Variants in RAB5C observed in about 807,000 individuals in gnomAD.
RAB5C encodes RAB5C, member RAS oncogene family.
RAB5C carries 4 observed loss-of-function variants against 25.2 expected under a neutral mutation model. The ratio of observed to expected loss-of-function variants is 0.16; its 90% confidence interval spans 0.08 to 0.36. The LOEUF is 0.36. RAB5C is among the 10% of genes least tolerant of loss of function. RAB5C has a pLI of 1.00. For synonymous variants in RAB5C, 100 were observed against 106.4 expected (o/e 0.94, Z 0.37); for missense variants, 199 against 283.8 (o/e 0.70, Z 2.15).
At position 42,128,700 on chromosome 17, in the gene RAB5C, C is replaced by T; in HGVS notation, c.267G>A (p.Met89Ile). The change falls in exon 3 of 6, where the codon ATG becomes ATA. Residue 89 changes from methionine (M) to isoleucine (I), a missense_variant. Physicochemically the swap from Met to Ile is conservative, Grantham distance 10. Transcript: ENST00000346213. ...TGGCAGCCTGGGCCCCCCGATAGTA[C>T]ATGGGGGCCAGGCTGTGATACCGCT... is the stretch of plus-strand genomic sequence containing the variant. ...GQERYHSLAP[M>I]YYRGAQAAIV... is the part of the protein sequence containing the mutation. 1.3e-6 allele frequency: 2 copies of T among 1,561,076 alleles called. No homozygotes were observed. The highest frequency in any genetic ancestry group is 1.7e-6 in the Non-Finnish European group (2 of 1,156,576).
chr17:42,138,739 A>C (rs921590117), intron 1 of RAB5C, among the ~76,000 whole-genome samples: 1 of 152,222 alleles, frequency 6.6e-6, no homozygotes, highest in African/African-American at 2.4e-5. Flanking sequence ...TACCTGCAAA[A>C]GGGGCCAGTG....
At chr17:42,134,968 T>TTTC (rs111710717) in intron 1 of RAB5C, among the ~76,000 whole-genome samples, 150,342 of 150,376 alleles carry the variant, frequency 1, 75,154 homozygotes, top group Middle Eastern at 1. Flanking sequence ...TCAAATTCTT[T>TTTC]TTTTTTCTTA....
chr17:42,131,815 A>G (rs2054489456), intron 1 of RAB5C: 2 of 537,704 alleles, frequency 3.7e-6, no homozygotes, highest in East Asian at 6.4e-5. Context: ...GCCTATCTCT[A>G]GAAGCCTCTA....
chr17:42,144,925 CAAAAAAAAAAAA>C (rs544870361), intron 1 of RAB5C, among the ~76,000 whole-genome samples: 1 of 31,072 alleles, frequency 3.2e-5, no homozygotes, highest in African/African-American at 9.8e-5. Context: ...GACTCCGTCT[CAAAAAAAAAAAA>C]AAAAAAAAAA....
intron 1 of RAB5C, among the ~76,000 whole-genome samples, chr17:42,153,630 C>G (rs1016544244): frequency 6.6e-6 from 1 of 152,130 alleles, no homozygotes; most frequent in East Asian, 1.9e-4. Context: ...TCCGTCCCTT[C>G]CTCCACTGTA....
chr17:42,149,480 G>A (rs1183563801), intron 1 of RAB5C, among the ~76,000 whole-genome samples: 1 of 152,134 alleles, frequency 6.6e-6, no homozygotes, highest in South Asian at 2.1e-4. Flanking sequence ...TACTCAGGAG[G>A]CTGAGGTGGG....
chr17:42,147,087 AGAAAGAAAGAAG>A (rs1426916529), intron 1 of RAB5C, among the ~76,000 whole-genome samples: 128 of 151,840 alleles, frequency 8.4e-4, no homozygotes, highest in African/African-American at 3.0e-3. Context: ...AAAGAAAGAA[AGAAAGAAAGAAG>A]GAAAGACAGA....
At chr17:42,140,505 ATATATATATATTT>A (rs1255705759) in intron 1 of RAB5C, among the ~76,000 whole-genome samples, 1 of 71,552 alleles carries the variant, frequency 1.4e-5, no homozygotes, top group Non-Finnish European at 2.6e-5. Context: ...ATATATATAT[ATATATATATATTT>A]TTTTTTTTTT....
intron 1 of RAB5C, among the ~76,000 whole-genome samples, chr17:42,147,421 G>A (rs2079644412): frequency 6.6e-6 from 1 of 152,196 alleles, no homozygotes; most frequent in African/African-American, 2.4e-5. Context: ...GTACTGGTCT[G>A]GGGTCGGTGC....
chr17:42,130,280 C>G (rs1568019027), intron 2 of RAB5C, 57 bp downstream of exon 2: 6 of 1,546,682 alleles, frequency 3.9e-6, no homozygotes, highest in African/African-American at 1.4e-5. Context: ...TCCTCAAGGT[C>G]AAAGCATTTC....
At chr17:42,135,541 T>C (rs369761346) in intron 1 of RAB5C, among the ~76,000 whole-genome samples, 13 of 152,220 alleles carry the variant, frequency 8.5e-5, no homozygotes, top group African/African-American at 2.9e-4. Flanking sequence ...ACAGTTGATA[T>C]ACGAAGGAGG....
At chr17:42,154,613 G>T (rs1429477082) in intron 1 of RAB5C, 2 of 152,316 alleles carry the variant, frequency 1.3e-5, no homozygotes, top group Non-Finnish European at 2.9e-5. Flanking sequence ...GATTCTGGAA[G>T]CAGGGGGAGC....
intron 1 of RAB5C, among the ~76,000 whole-genome samples, chr17:42,139,254 T>G (rs2054567327): frequency 6.6e-6 from 1 of 152,174 alleles, no homozygotes; most frequent in Non-Finnish European, 1.5e-5. Flanking sequence ...CAACTCTCAG[T>G]CATTGGCCCT....
At chr17:42,137,228 C>T (rs777628560) in intron 1 of RAB5C, among the ~76,000 whole-genome samples, 2 of 151,708 alleles carry the variant, frequency 1.3e-5, no homozygotes, top group Non-Finnish European at 2.9e-5. Context: ...ATCACTTGAA[C>T]CCAGGAGACA....
chr17:42,144,666 C>T (rs535502595), intron 1 of RAB5C, among the ~76,000 whole-genome samples: 3 of 151,804 alleles, frequency 2.0e-5, no homozygotes, highest in Non-Finnish European at 4.4e-5. Context: ...TGGTGGCTCA[C>T]GCCTGTAATC....
At chr17:42,143,879 T>G (rs1350359862) in intron 1 of RAB5C, among the ~76,000 whole-genome samples, 2 of 152,024 alleles carry the variant, frequency 1.3e-5, no homozygotes, top group Non-Finnish European at 2.9e-5. Context: ...ACCACCTCCC[T>G]GCTTCAAACC....
chr17:42,142,368 T>C (rs1315197322), intron 1 of RAB5C, among the ~76,000 whole-genome samples: 1 of 152,100 alleles, frequency 6.6e-6, no homozygotes, highest in African/African-American at 2.4e-5. Flanking sequence ...TGCCCTTCCT[T>C]CCATCTCAAA....
chr17:42,126,676 C>T (rs1368954205), intron 5 of RAB5C, 79 bp downstream of exon 5: 2 of 793,738 alleles, frequency 2.5e-6, no homozygotes, highest in Admixed American at 2.2e-5. Flanking sequence ...GAAGGGACCC[C>T]GCAGGCCCAC....
rs567303604 is a variant in RAB5C at position 42,130,578 on chromosome 17, G to A, written c.-76C>T. 3 of 1,585,824 alleles carry A rather than the reference G, an allele frequency of 1.9e-6. No homozygotes were observed. In the East Asian group the frequency reaches 6.8e-5, roughly 36 times the overall value. On this transcript the variant is annotated 5_prime_UTR_variant, in exon 2 of 6. Coordinates refer to ENST00000346213, the MANE Select transcript of RAB5C (RefSeq NM_004583.4). ...TATGCAAAGAGGCACTTAGTGGGGA[G>A]GGGGACCTCCAACTGTAAGGGAGAA...
Sources: gnomAD v4.1 joint callset for allele counts (sites outside exome capture counted in the v4.1 genomes callset) on GRCh38, gnomAD v4.1.1 for gene constraint, MANE v1.5 for transcripts, NCBI Gene and HGNC (gene_info 2026-07-23, HGNC 2026-07-21) for gene names.